The following IPO11 variants were observed in gnomAD, a reference collection of about 807,000 sequenced individuals.
IPO11 encodes the protein importin 11, also known as importin-11.
A neutral mutation model predicts 143.2 loss-of-function variants in IPO11; 66 were observed. The ratio of observed to expected loss-of-function variants is 0.46; its 90% CI spans 0.38 to 0.57. The LOEUF (loss-of-function observed/expected upper bound fraction) is 0.57, where lower values mean the gene tolerates loss of function less well. Ranked by LOEUF, IPO11 falls within the 20% of genes least tolerant of loss-of-function variation. The pLI is 0.00. For missense variants in IPO11, 1,026 were observed against 1,141.0 expected, an observed-to-expected ratio of 0.90 and a Z score of 1.45; for synonymous variants, 385 against 377.8, an observed-to-expected ratio of 1.02 and a Z score of -0.22.
At chr5:62,550,290 A>G in intron 24 of IPO11, 77 bp from the exon 25 acceptor site, 2 of 1,084,722 alleles carry the variant, frequency 1.8e-6, no homozygotes, top group East Asian at 2.4e-5. Flanking sequence ...TTATTTTAGT[A>G]CATTGTTTCC....
intron 27 of IPO11, chr5:62,580,850 C>A: frequency 6.4e-7 from 1 of 1,551,258 alleles, no homozygotes; most frequent in South Asian, 1.2e-5. Context: ...CAAGAGAATG[C>A]CTTTGGTAAT....
chr5:62,583,325 T>C (rs991040348), intron 27 of IPO11, among the ~76,000 whole-genome samples: 1 of 152,160 alleles, frequency 6.6e-6, no homozygotes, highest in African/African-American at 2.4e-5. Flanking sequence ...ACCTAAACCG[T>C]ACCCTCTTAA....
chr5:62,598,566 A>AGC (rs1745376977), intron 28 of IPO11, among the ~76,000 whole-genome samples: 1 of 3,650 alleles, frequency 2.7e-4, no homozygotes, highest in African/African-American at 2.2e-3. Context: ...TTTTTTTTTT[A>AGC]TGGAGTCTTG....
chr5:62,420,842 A>G (rs1043974332), intron 1 of IPO11, among the ~76,000 whole-genome samples: 1 of 152,158 alleles, frequency 6.6e-6, no homozygotes, highest in East Asian at 1.9e-4. Context: ...TCAGCCTTCC[A>G]AAGTGTTGGA....
At chr5:62,470,473 A>G (rs964114432) in intron 7 of IPO11, among the ~76,000 whole-genome samples, 165 bp downstream of exon 7, 2 of 152,162 alleles carry the variant, frequency 1.3e-5, no homozygotes, top group African/African-American at 4.8e-5. Flanking sequence ...TTTTCACTAC[A>G]TCAAAGTGGC....
chr5:62,547,082 T>G (rs561092975), intron 24 of IPO11, among the ~76,000 whole-genome samples: 4 of 152,314 alleles, frequency 2.6e-5, no homozygotes, highest in South Asian at 4.1e-4. Context: ...ACGATGTTGG[T>G]GGCACAGCTA....
At chr5:62,611,415 A>G (rs1745923609) in intron 29 of IPO11, among the ~76,000 whole-genome samples, 1 of 152,222 alleles carries the variant, frequency 6.6e-6, no homozygotes, top group South Asian at 2.1e-4. Flanking sequence ...AGAGGTTAAG[A>G]TCCTTCACAG....
chr5:62,529,922 C>T (rs1742488295), intron 21 of IPO11, among the ~76,000 whole-genome samples: 1 of 152,058 alleles, frequency 6.6e-6, no homozygotes, highest in Non-Finnish European at 1.5e-5. Context: ...TTGTAATTTG[C>T]GTTTGTTGCA....
intron 12 of IPO11, among the ~76,000 whole-genome samples, chr5:62,485,984 CTTTTTT>C (rs746289007): frequency 3.8e-5 from 5 of 130,256 alleles, no homozygotes; most frequent in African/African-American, 1.4e-4. Flanking sequence ...TTTTCTTTTT[CTTTTTT>C]TTTTTTTTTG....
chr5:62,612,591 T>C (rs1745964124), intron 29 of IPO11, among the ~76,000 whole-genome samples: 1 of 152,222 alleles, frequency 6.6e-6, no homozygotes, highest in Non-Finnish European at 1.5e-5. Context: ...ACTAAAGAGA[T>C]ATTTTTATTT....
At chr5:62,441,970 C>T (rs1237735106) in intron 2 of IPO11, among the ~76,000 whole-genome samples, 14 of 151,558 alleles carry the variant, frequency 9.2e-5, no homozygotes, top group Admixed American at 5.9e-4. Flanking sequence ...CTCAGCCTCC[C>T]GAGTAGCTGG....
intron 28 of IPO11, among the ~76,000 whole-genome samples, chr5:62,599,775 A>G (rs1745431915): frequency 6.6e-6 from 1 of 152,194 alleles, no homozygotes; most frequent in South Asian, 2.1e-4. Flanking sequence ...TAGTATAACT[A>G]TTACTGCATG....
At chr5:62,444,738 G>A (rs910502455) in intron 3 of IPO11, among the ~76,000 whole-genome samples, 2 of 151,926 alleles carry the variant, frequency 1.3e-5, no homozygotes, top group South Asian at 2.1e-4. Flanking sequence ...GTGTGGTGGC[G>A]GATGCCTGTA....
chr5:62,590,488 T>C (rs1744968335), intron 27 of IPO11, among the ~76,000 whole-genome samples: 1 of 152,232 alleles, frequency 6.6e-6, no homozygotes, highest in Non-Finnish European at 1.5e-5. Context: ...CAAGAATGAC[T>C]TTAAATATTA....
At chr5:62,498,460 T>C (rs1409321382) in intron 16 of IPO11, among the ~76,000 whole-genome samples, 1 of 152,190 alleles carries the variant, frequency 6.6e-6, no homozygotes, top group Non-Finnish European at 1.5e-5. Context: ...TAAACTGTAG[T>C]TTAGAGGAAC....
At chr5:62,500,809 G>A (rs1207176145) in intron 16 of IPO11, among the ~76,000 whole-genome samples, 1 of 152,136 alleles carries the variant, frequency 6.6e-6, no homozygotes, top group Admixed American at 6.6e-5. Flanking sequence ...TGTCTGTGCT[G>A]TACTTTTATA....
chr5:62,437,315 G>C lies in IPO11; in HGVS notation c.36G>C (p.Gln12His). 1.9e-6 allele frequency: 3 copies of C among 1,611,392 alleles called. No homozygotes were observed. Among genetic ancestry groups the C allele is most frequent in the Non-Finnish European group, 2.5e-6 (3 of 1,178,528 alleles). Residue 12 changes from glutamine to histidine, a missense_variant, in exon 2 of 30, where the codon CAG becomes CAC. Physicochemically the swap from Gln to His is conservative, Grantham distance 24. Coordinates refer to ENST00000325324, the MANE Select transcript of IPO11 (RefSeq NM_016338.5). ...DLNSASTVVLQVLTQATSQDT... is the reference protein window; with the variant it reads ...DLNSASTVVLHVLTQATSQDT... ...ATAGTGCCAGCACTGTTGTTCTTCA[G>C]GTGTTAACACAGGCCACCAGTCAGG...
intron 21 of IPO11, among the ~76,000 whole-genome samples, chr5:62,527,310 T>C (rs1742400165): frequency 6.6e-6 from 1 of 152,186 alleles, no homozygotes; most frequent in South Asian, 2.1e-4. Flanking sequence ...TTAAATATTT[T>C]GGGCTTTCTA....
At position 62,595,689 on chromosome 5, in the gene IPO11, G is replaced by A. The variant is rs1441561683; in HGVS notation, c.2678+4017G>A. On this transcript the variant is annotated intron_variant, in intron 28 of 29. Transcript: ENST00000325324. ...AAATGAATTCTTTTGGAAGAAAGAAGAATTCCATTTTGAGAGTTGAAGAAT... is the reference window on the plus strand; with the variant it reads ...AAATGAATTCTTTTGGAAGAAAGAAAAATTCCATTTTGAGAGTTGAAGAAT... Among the ~76,000 whole-genome samples the A allele has an allele frequency of 5.3e-5, 8 of 152,168 alleles. No homozygotes were observed. In the South Asian group the frequency reaches 1.7e-3, roughly 32 times the overall value.
Sources: allele counts gnomAD v4.1 joint callset (sites outside exome capture counted in the v4.1 genomes callset), GRCh38; gene constraint gnomAD v4.1.1; transcripts MANE v1.5; gene names NCBI Gene and HGNC (gene_info 2026-07-23, HGNC 2026-07-21).